CSRNP3: variants seen among roughly 807,000 people sequenced by gnomAD.
The protein encoded by CSRNP3 is cysteine and serine rich nuclear protein 3, also known as cysteine/serine-rich nuclear protein 3.
In CSRNP3, 12 loss-of-function variants were observed where a neutral mutation model predicts 48.0. The observed-to-expected ratio is 0.25, with a 90% CI of 0.16 to 0.41. The LOEUF (loss-of-function observed/expected upper bound fraction) is 0.41. Among genes scored for constraint, CSRNP3 ranks in the 10% least tolerant of loss-of-function variants. CSRNP3 has a pLI of 1.00. For missense variants in CSRNP3, 580 were observed against 724.4 expected (o/e 0.80, Z 2.29); for synonymous variants, 263 against 269.7 (o/e 0.98, Z 0.24).
intron 3 of CSRNP3, among the ~76,000 whole-genome samples, chr2:165,556,117 G>A (rs1685157652): frequency 6.6e-6 from 1 of 152,152 alleles, no homozygotes; most frequent in Non-Finnish European, 1.5e-5. Flanking sequence ...TGCTGCTGAA[G>A]GTGCGGAACT....
At position 165,666,967 on chromosome 2, in the gene CSRNP3, G is replaced by GA. The variant is rs1687232511; in HGVS notation, c.408+8949dup. On this transcript the variant is annotated intron_variant, in intron 5 of 6. Transcript: ENST00000651982. ...GAAAGAGAGAGAGGAAGGAAGGAAG[G>GA]AAGGAAAGAGAGAGAGGAAGAAAGA... is the stretch of plus-strand genomic sequence containing the variant. Among the ~76,000 whole-genome samples, 13 of 130,532 alleles carry GA rather than the reference G, an allele frequency of 1.0e-4. 2 individuals are homozygous for GA. Among genetic ancestry groups the GA allele is most frequent in the Non-Finnish European group, 2.0e-4 (12 of 60,662 alleles). 85.6% of individuals were successfully genotyped at this position (130,532 alleles called of 152,430 possible).
chr2:165,639,432 A>T (rs1686689960), intron 4 of CSRNP3, among the ~76,000 whole-genome samples: 1 of 152,240 alleles, frequency 6.6e-6, no homozygotes, highest in East Asian at 1.9e-4. Flanking sequence ...AATAATGAGA[A>T]TCAACTGTTT....
chr2:165,630,467 C>T (rs1189527388), intron 4 of CSRNP3, among the ~76,000 whole-genome samples: 1 of 152,102 alleles, frequency 6.6e-6, no homozygotes. Flanking sequence ...TCCTGTTTGC[C>T]ATCTCCCGAC....
At chr2:165,600,522 A>G (rs1187943252) in intron 4 of CSRNP3, among the ~76,000 whole-genome samples, 1 of 152,228 alleles carries the variant, frequency 6.6e-6, no homozygotes, top group Non-Finnish European at 1.5e-5. Flanking sequence ...GACCTCCACA[A>G]GGATTGAACT....
rs1687527988 is a variant in CSRNP3, at chr2:165,681,010, T to C, written c.*1257T>C. The C allele has an allele frequency of 6.6e-6, 1 of 152,216 alleles. No individual in the cohort carries two copies. Among genetic ancestry groups the C allele is most frequent in the African/African-American group, 2.4e-5 (1 of 41,454 alleles). 9.4% of individuals were successfully genotyped at this position (152,216 alleles called of 1,614,324 possible). A position where few individuals can be genotyped will look rare whatever the true frequency, so the allele number is the denominator to read the frequency against. On this transcript the variant is annotated 3_prime_UTR_variant, in exon 7 of 7. Transcript: ENST00000651982. ...TTCTTTTCTGAAGCATTTTGATTTGTCTTGCCTGGGACAACTAGCAGAACA... is the reference window on the plus strand; with the variant it reads ...TTCTTTTCTGAAGCATTTTGATTTGCCTTGCCTGGGACAACTAGCAGAACA...
At chr2:165,620,649 T>G (rs1481303892) in intron 4 of CSRNP3, among the ~76,000 whole-genome samples, 1 of 152,206 alleles carries the variant, frequency 6.6e-6, no homozygotes, top group African/African-American at 2.4e-5. Context: ...ATTTTGTGGC[T>G]GATTTTCCAT....
At chr2:165,492,884 C>G (rs1267272056) in intron 1 of CSRNP3, among the ~76,000 whole-genome samples, 1 of 147,978 alleles carries the variant, frequency 6.8e-6, no homozygotes, top group African/African-American at 2.5e-5. Context: ...ACAAATAGAT[C>G]TCTTTCTATA....
chr2:165,501,179 G>C (rs771575176), intron 2 of CSRNP3, among the ~76,000 whole-genome samples: 3 of 152,114 alleles, frequency 2.0e-5, no homozygotes, highest in Non-Finnish European at 4.4e-5. Context: ...TAAGATCATG[G>C]TTACATAAGA....
chr2:165,591,837 C>G (rs1269481986), intron 3 of CSRNP3, among the ~76,000 whole-genome samples: 1 of 152,166 alleles, frequency 6.6e-6, no homozygotes, highest in Non-Finnish European at 1.5e-5. Flanking sequence ...TGGGGCAAAG[C>G]TCTCATGAAT....
chr2:165,532,285 A>G (rs1034964093), intron 3 of CSRNP3, among the ~76,000 whole-genome samples: 1 of 152,200 alleles, frequency 6.6e-6, no homozygotes, highest in Non-Finnish European at 1.5e-5. Context: ...AATATCCTTG[A>G]TGAACATCGA....
chr2:165,659,080 C>T (rs1227728673), intron 5 of CSRNP3, among the ~76,000 whole-genome samples: 5 of 152,046 alleles, frequency 3.3e-5, no homozygotes, highest in African/African-American at 7.2e-5. Context: ...CATCAAAAGT[C>T]GTCAAGAGTT....
chr2:165,561,742 G>A (rs759103261), intron 3 of CSRNP3, among the ~76,000 whole-genome samples: 3 of 152,034 alleles, frequency 2.0e-5, no homozygotes, highest in Non-Finnish European at 2.9e-5. Flanking sequence ...TCTCTTAAAC[G>A]GAAAGAATAG....
chr2:165,670,073 A>C (rs1279527933), intron 5 of CSRNP3, among the ~76,000 whole-genome samples: 2 of 152,204 alleles, frequency 1.3e-5, no homozygotes, highest in African/African-American at 4.8e-5. Context: ...GATCCCATGC[A>C]AGTTCAATCA....
chr2:165,492,682 C>T (rs1478361252), intron 1 of CSRNP3, among the ~76,000 whole-genome samples: 1 of 144,698 alleles, frequency 6.9e-6, no homozygotes, highest in Non-Finnish European at 1.5e-5. Flanking sequence ...TATTTGTCTA[C>T]TCCTTTCCCT....
At chr2:165,588,478 G>A (rs901258742) in intron 3 of CSRNP3, among the ~76,000 whole-genome samples, 9 of 152,210 alleles carry the variant, frequency 5.9e-5, no homozygotes, top group African/African-American at 2.2e-4. Flanking sequence ...TAATTGGGAG[G>A]CCCTTGGCCT....
intron 4 of CSRNP3, among the ~76,000 whole-genome samples, chr2:165,611,020 C>T (rs1217914543): frequency 6.6e-6 from 1 of 151,876 alleles, no homozygotes; most frequent in African/African-American, 2.4e-5. Flanking sequence ...TAAGTATTGG[C>T]GTTGGTATTT....
chr2:165,495,278 A>T (rs1432675967), intron 2 of CSRNP3, among the ~76,000 whole-genome samples: 1 of 152,092 alleles, frequency 6.6e-6, no homozygotes, highest in Non-Finnish European at 1.5e-5. Flanking sequence ...GAGTTACACA[A>T]TATTTACAGT....
At chr2:165,658,937 A>G (rs1687053376) in intron 5 of CSRNP3, among the ~76,000 whole-genome samples, 1 of 152,206 alleles carries the variant, frequency 6.6e-6, no homozygotes, top group African/African-American at 2.4e-5. Flanking sequence ...ACCTTGTGCC[A>G]GGAGGGAACA....
Position 165,679,309 on chromosome 2 carries a change from A to T in CSRNP3, c.1314A>T (p.Gln438His). 1 of 1,613,892 alleles carries T rather than the reference A, an allele frequency of 6.2e-7. No homozygotes were observed. The highest frequency in any genetic ancestry group is 2.2e-5 in the East Asian group (1 of 44,842). ...FYANSSTLYY[Q>H]IDSHIPGTPN... is the part of the protein sequence containing the mutation. ...CCAACTCTTCAACTCTGTATTACCA[A>T]ATAGATAGCCACATTCCAGGAACTC... Residue 438 changes from glutamine to histidine, a missense_variant, in exon 7 of 7, where the codon CAA (glutamine) becomes CAT (histidine). Around this residue, in one of 4 missense-constraint regions of CSRNP3, gnomAD observed 369 missense variants for 380.8 expected, o/e 0.97. Coordinates refer to ENST00000651982, the MANE Select transcript of CSRNP3 (RefSeq NM_001172173.2).
Sources: gnomAD v4.1 joint callset for allele counts (sites outside exome capture counted in the v4.1 genomes callset) on GRCh38, gnomAD v4.1.1 for gene constraint, gnomAD v4.1.1 regional missense constraint, MANE v1.5 for transcripts, NCBI Gene and HGNC (gene_info 2026-07-23, HGNC 2026-07-21) for gene names.